The following B3GALNT2 variants were observed in gnomAD, a reference collection of about 807,000 sequenced individuals.
B3GALNT2 encodes beta-1,3-N-acetylgalactosaminyltransferase 2, also known as UDP-GalNAc:beta-1,3-N-acetylgalactosaminyltransferase 2.
In B3GALNT2, 53 loss-of-function variants were observed where a neutral mutation model predicts 61.1. The observed-to-expected ratio is 0.87, with a 90% CI of 0.70 to 1.09. The LOEUF is 1.09. Ranked by LOEUF, B3GALNT2 falls within the 50% of genes least tolerant of loss-of-function variation. The pLI is 0.00. For synonymous variants in B3GALNT2, 223 were observed against 237.4 expected (o/e 0.94, Z 0.56); for missense variants, 544 against 623.0 (o/e 0.87, Z 1.35).
downstream of B3GALNT2, among the ~76,000 whole-genome samples, chr1:235,446,326 G>C (rs945505232): frequency 6.6e-6 from 1 of 151,910 alleles, no homozygotes; most frequent in Non-Finnish European, 1.5e-5. Flanking sequence ...ACAGGTGCCC[G>C]CCACCATGCC....
At position 235,465,573 on chromosome 1, in the gene B3GALNT2, C is replaced by G. The variant is rs184474378; in HGVS notation, c.841+63G>C. ...CAAAAAAGAAAAAATCCTTTTCTCTCAAGTATAAAGATTAAGTATAAGACA... is the reference window on the plus strand; with the variant it reads ...CAAAAAAGAAAAAATCCTTTTCTCTGAAGTATAAAGATTAAGTATAAGACA... On this transcript the variant is annotated intron_variant, in intron 7 of 11. Coordinates refer to ENST00000366600, the MANE Select transcript of B3GALNT2 (RefSeq NM_152490.5). 1.9e-5 allele frequency: 29 copies of G among 1,563,100 alleles called. No individual in the cohort carries two copies. The Admixed American group carries it at 5.1e-4, about 28-fold the overall frequency.
chr1:235,496,757 GC>G (rs1471517667), intron 1 of B3GALNT2, among the ~76,000 whole-genome samples: 1 of 152,002 alleles, frequency 6.6e-6, no homozygotes, highest in African/African-American at 2.4e-5. Flanking sequence ...TCTTGGCCAG[GC>G]TGGTGTTGAA....
chr1:235,491,604 T>C (rs1207241315), intron 2 of B3GALNT2, among the ~76,000 whole-genome samples: 1 of 152,174 alleles, frequency 6.6e-6, no homozygotes, highest in Non-Finnish European at 1.5e-5. Context: ...TCCACTATTC[T>C]CCAAGTCAGA....
chr1:235,469,146 A>G (rs1351951348), intron 6 of B3GALNT2, among the ~76,000 whole-genome samples: 1 of 152,102 alleles, frequency 6.6e-6, no homozygotes, highest in African/African-American at 2.4e-5. Flanking sequence ...TAGTATGTCT[A>G]TTTTACCCTG....
intron 6 of B3GALNT2, 45 bp from the exon 7 acceptor site, chr1:235,465,759 C>A: frequency 6.3e-7 from 1 of 1,594,974 alleles, no homozygotes; most frequent in Non-Finnish European, 8.5e-7. Flanking sequence ...ACTAAAAATA[C>A]ACTGATCATA....
rs968745175 is a variant in B3GALNT2, at chr1:235,448,577, C to T, written c.*1629G>A. The T allele has an allele frequency of 3.6e-6, 5 of 1,376,692 alleles. No homozygotes were observed. Among genetic ancestry groups the T allele is most frequent in the Admixed American group, 1.7e-5 (1 of 59,592 alleles). The allele number at this position is 1,376,692 out of a possible 1,614,324, so 85.3% of individuals were successfully genotyped here. ...TTTGTTTGATTTTAAGGGTAAGCTA[C>T]TGCCTGGGGACGGGGTGGGGGAAGA... is the stretch of plus-strand genomic sequence containing the variant. On this transcript the variant is annotated 3_prime_UTR_variant, in exon 12 of 12. Transcript: ENST00000366600.
At chr1:235,454,465 T>TA in intron 9 of B3GALNT2, 150 bp from the exon 10 acceptor site, 2 of 859,704 alleles carry the variant, frequency 2.3e-6, no homozygotes, top group Non-Finnish European at 3.4e-6. Flanking sequence ...TGAGATGGAG[T>TA]TTTGCTCTTG....
chr1:235,441,406 G>A, the B3GALNT2 span: 5 of 268,660 alleles, frequency 1.9e-5, no homozygotes, highest in East Asian at 9.9e-5. Context: ...TTCTGTCAGC[G>A]CAGAAAGAGA....
At chr1:235,486,058 T>G (rs1209047220) in intron 3 of B3GALNT2, among the ~76,000 whole-genome samples, 1 of 151,000 alleles carries the variant, frequency 6.6e-6, no homozygotes, top group Admixed American at 6.6e-5. Context: ...GCCACTGCAG[T>G]GCAGCCTGGG....
At position 235,450,139 on chromosome 1, in the gene B3GALNT2, C is replaced by A. The variant is rs1682803069; in HGVS notation, c.*67G>T. 15 of 1,583,286 alleles carry A rather than the reference C, an allele frequency of 9.5e-6. No individual in the cohort carries two copies. The South Asian group carries it at 1.1e-4, about 12-fold the overall frequency. On this transcript the variant is annotated 3_prime_UTR_variant, in exon 12 of 12. Transcript: ENST00000366600. ...CAGTCTACTGCTAAACCCTGGGACT[C>A]CTCAGACTTGCACTCAGATTATCGT...
chr1:235,448,498 T>C lies in B3GALNT2; in HGVS notation c.*1708A>G, dbSNP rs1682630777. The stretch of plus-strand genomic sequence containing the variant: ...CAAGCTTAGTCCTCGTATTATGACA[T>C]TAAACTGTCTCTAGATAGCAACAGT... On this transcript the variant is annotated 3_prime_UTR_variant, in exon 12 of 12. Transcript: ENST00000366600. 2.0e-6 allele frequency: 3 copies of C among 1,529,024 alleles called. No homozygotes were observed. The highest frequency in any genetic ancestry group is 2.2e-5 in the South Asian group (2 of 89,086). The allele number at this position is 1,529,024 out of a possible 1,614,324, so 94.7% of individuals were successfully genotyped here.
chr1:235,489,087 A>T (rs1462687493), intron 3 of B3GALNT2, 81 bp downstream of exon 3: 2 of 1,482,804 alleles, frequency 1.3e-6, no homozygotes, highest in African/African-American at 1.4e-5. Context: ...AAAAATAAAA[A>T]CAGACTCCAT....
chr1:235,499,730 C>A (rs1685501676), intron 1 of B3GALNT2, among the ~76,000 whole-genome samples: 1 of 152,190 alleles, frequency 6.6e-6, no homozygotes, highest in South Asian at 2.1e-4. Flanking sequence ...TAAGATTGGA[C>A]AGAAAGGGTA....
intron 7 of B3GALNT2, chr1:235,465,222 A>G (rs1441346686): frequency 4.5e-5 from 7 of 155,604 alleles, no homozygotes; most frequent in Admixed American, 1.9e-4. Context: ...ATAGAATATT[A>G]TATGATCATA....
chr1:235,497,170 TA>T (rs1376937755), intron 1 of B3GALNT2, among the ~76,000 whole-genome samples: 2 of 152,226 alleles, frequency 1.3e-5, no homozygotes, highest in Non-Finnish European at 2.9e-5. Context: ...GAACTCACTC[TA>T]AATGAGTGTC....
At chr1:235,501,734 G>A (rs1299895549) in intron 1 of B3GALNT2, among the ~76,000 whole-genome samples, 1 of 151,884 alleles carries the variant, frequency 6.6e-6, no homozygotes, top group African/African-American at 2.4e-5. Context: ...TAATGAGACT[G>A]AAGACAGACA....
intron 1 of B3GALNT2, among the ~76,000 whole-genome samples, chr1:235,498,935 T>A (rs961334849): frequency 6.6e-6 from 1 of 151,414 alleles, no homozygotes; most frequent in Non-Finnish European, 1.5e-5. Flanking sequence ...GCAGGGCAAT[T>A]TGGCAATGTG....
intron 4 of B3GALNT2, among the ~76,000 whole-genome samples, chr1:235,480,628 G>A (rs2102835850): frequency 6.6e-6 from 1 of 152,186 alleles, no homozygotes; most frequent in East Asian, 1.9e-4. Flanking sequence ...ACTGGAGCCA[G>A]GTGCAGTGGC....
chr1:235,457,637 A>AT (rs896047416), intron 8 of B3GALNT2, among the ~76,000 whole-genome samples: 9 of 152,174 alleles, frequency 5.9e-5, no homozygotes, highest in African/African-American at 2.2e-4. Flanking sequence ...GAGTTGTGGA[A>AT]TTTTAGTAAG....
Sources: gnomAD v4.1 joint callset for allele counts (sites outside exome capture counted in the v4.1 genomes callset) on GRCh38, gnomAD v4.1.1 for gene constraint, MANE v1.5 for transcripts, NCBI Gene and HGNC (gene_info 2026-07-23, HGNC 2026-07-21) for gene names.